The following FNIP2 variants were observed in gnomAD, a reference collection of about 807,000 sequenced individuals.
FNIP2 encodes the protein folliculin interacting protein 2, also known as folliculin-interacting protein 2.
FNIP2 carries 32 observed loss-of-function variants against 108.7 expected under a neutral mutation model. The ratio of observed to expected loss-of-function variants is 0.29; its 90% CI spans 0.22 to 0.40. The LOEUF is 0.40. Among genes scored for constraint, FNIP2 ranks in the 10% least tolerant of loss-of-function variants. The pLI is 1.00. For missense variants in FNIP2, 1,202 were observed against 1,381.6 expected (o/e 0.87, Z 2.06); for synonymous variants, 480 against 496.7 (o/e 0.97, Z 0.45).
intron 14 of FNIP2, among the ~76,000 whole-genome samples, chr4:158,870,801 T>C (rs1780901890): frequency 6.6e-6 from 1 of 152,226 alleles, no homozygotes; most frequent in African/African-American, 2.4e-5. Context: ...TCTGGTCTCT[T>C]TCTGGTGCCT....
rs557371471 is a variant in FNIP2 at position 158,895,771 on chromosome 4, A to G, written c.3172A>G (p.Arg1058Gly). The change falls in exon 16 of 17, where the codon AGA becomes GGA. Residue 1058 changes from arginine (R) to glycine (G), a missense_variant. Arg to Gly is a moderately radical substitution (Grantham distance 125). Transcript: ENST00000264433. Reference protein sequence around the residue: ...ADFCIMHLEDRLQEMYLKSKM... With the variant: ...ADFCIMHLEDGLQEMYLKSKM... ...GCAGTGCATCATGCATCTTGAAGAT[A>G]GACTACAGGAGATGTACCTTAAAAG... 1 of 1,611,882 alleles carries G rather than the reference A, an allele frequency of 6.2e-7. No individual in the cohort carries two copies. Among genetic ancestry groups the G allele is most frequent in the African/African-American group, 1.3e-5 (1 of 75,016 alleles).
intron 14 of FNIP2, among the ~76,000 whole-genome samples, chr4:158,883,581 T>A (rs1364746908): frequency 6.6e-6 from 1 of 152,232 alleles, no homozygotes; most frequent in African/African-American, 2.4e-5. Flanking sequence ...GGCTTATCCC[T>A]GATAGTTAAA....
chr4:158,774,209 G>C (rs565737590), intron 1 of FNIP2, among the ~76,000 whole-genome samples: 11 of 152,164 alleles, frequency 7.2e-5, no homozygotes, highest in Non-Finnish European at 1.5e-4. Context: ...TGCATGTGCA[G>C]AATAGGCCAG....
chr4:158,785,081 G>A (rs1482523730), intron 1 of FNIP2, among the ~76,000 whole-genome samples: 1 of 117,336 alleles, frequency 8.5e-6, no homozygotes, highest in African/African-American at 3.8e-5. Flanking sequence ...AGTATATAAA[G>A]TTCCTCTTTT....
chr4:158,897,313 T>C (rs1579002814), intron 16 of FNIP2, among the ~76,000 whole-genome samples: 1 of 152,238 alleles, frequency 6.6e-6, no homozygotes, highest in Non-Finnish European at 1.5e-5. Flanking sequence ...CATGTGCGTG[T>C]GTCTTTATAG....
chr4:158,792,354 T>C (rs1776447936), intron 1 of FNIP2, among the ~76,000 whole-genome samples: 3 of 152,086 alleles, frequency 2.0e-5, no homozygotes, highest in Admixed American at 2.0e-4. Context: ...AAGTGTCCTT[T>C]TCACAGTGAA....
At chr4:158,897,368 G>A (rs1278870251) in intron 16 of FNIP2, among the ~76,000 whole-genome samples, 2 of 152,150 alleles carry the variant, frequency 1.3e-5, no homozygotes, top group Non-Finnish European at 2.9e-5. Context: ...GTAATGGGAT[G>A]GCTGGGTCAG....
At position 158,863,016 on chromosome 4, in the gene FNIP2, G is replaced by A. The variant is rs187657574; in HGVS notation, c.1465+1240G>A. ...AATTCCCTATGTTCAGCATAATAAC[G>A]AAGAGTTTTTTCCTGTGGGTTCACA... On this transcript the variant is annotated intron_variant, in intron 12 of 16. Coordinates refer to ENST00000264433, the MANE Select transcript of FNIP2 (RefSeq NM_020840.3). 1.2e-4 allele frequency among the ~76,000 whole-genome samples: 19 copies of A among 152,310 alleles called. No homozygotes were observed. The East Asian group carries it at 3.7e-3, about 29-fold the overall frequency.
intron 8 of FNIP2, among the ~76,000 whole-genome samples, chr4:158,857,108 A>G (rs775528054): frequency 2.0e-5 from 3 of 152,198 alleles, no homozygotes; most frequent in Non-Finnish European, 2.9e-5. Flanking sequence ...GCTATTGTTT[A>G]TAGGGTGGAG....
intron 1 of FNIP2, among the ~76,000 whole-genome samples, chr4:158,805,601 A>G (rs1776919962): frequency 6.6e-6 from 1 of 152,214 alleles, no homozygotes; most frequent in Admixed American, 6.5e-5. Flanking sequence ...CTATACATTA[A>G]GTCCTACATT....
At chr4:158,871,614 G>C (rs555061875) in intron 14 of FNIP2, 1 of 985,306 alleles carries the variant, frequency 1.0e-6, no homozygotes, top group South Asian at 4.7e-5. Flanking sequence ...TCAGAAGCTG[G>C]GGAAAGCCAG....
intron 2 of FNIP2, among the ~76,000 whole-genome samples, chr4:158,826,590 A>G (rs1310749013): frequency 6.6e-6 from 1 of 151,692 alleles, no homozygotes; most frequent in South Asian, 2.1e-4. Flanking sequence ...TTTATTTCCC[A>G]TTTTTTTTGT....
At chr4:158,816,162 C>A (rs1354806676) in intron 1 of FNIP2, among the ~76,000 whole-genome samples, 1 of 151,994 alleles carries the variant, frequency 6.6e-6, no homozygotes, top group Non-Finnish European at 1.5e-5. Flanking sequence ...TATTTTGGTT[C>A]TTTCATCTTG....
chr4:158,772,757 C>T (rs1008544386), intron 1 of FNIP2, among the ~76,000 whole-genome samples: 2 of 152,262 alleles, frequency 1.3e-5, no homozygotes, highest in South Asian at 2.1e-4. Flanking sequence ...TGTGGCTTGG[C>T]GCTCTACCTG....
intron 16 of FNIP2, among the ~76,000 whole-genome samples, chr4:158,898,002 G>A (rs573640600): frequency 3.9e-5 from 6 of 152,266 alleles, no homozygotes; most frequent in African/African-American, 1.4e-4. Flanking sequence ...TCCATCTTGA[G>A]TTAATTTTTG....
chr4:158,850,214 A>G (rs1779621822), intron 7 of FNIP2, among the ~76,000 whole-genome samples: 1 of 152,224 alleles, frequency 6.6e-6, no homozygotes, highest in Admixed American at 6.5e-5. Flanking sequence ...TGTATTTACC[A>G]AAATCAATTT....
chr4:158,776,270 A>G (rs571813480), intron 1 of FNIP2, among the ~76,000 whole-genome samples: 14 of 152,318 alleles, frequency 9.2e-5, no homozygotes, highest in African/African-American at 2.9e-4. Flanking sequence ...GGATAGTTGC[A>G]TGTTGTCATA....
chr4:158,820,624 T>A (rs1008549149), intron 1 of FNIP2, among the ~76,000 whole-genome samples: 28 of 152,236 alleles, frequency 1.8e-4, no homozygotes, highest in Non-Finnish European at 1.5e-5. Flanking sequence ...AAATTTAAAG[T>A]CCTTCACAAG....
At chr4:158,798,818 G>T (rs1041874924) in intron 1 of FNIP2, among the ~76,000 whole-genome samples, 2 of 152,164 alleles carry the variant, frequency 1.3e-5, no homozygotes, top group Non-Finnish European at 2.9e-5. Context: ...ATAACTCTTA[G>T]TAATTCCAAA....
Sources: allele counts gnomAD v4.1 joint callset (sites outside exome capture counted in the v4.1 genomes callset), GRCh38; gene constraint gnomAD v4.1.1; transcripts MANE v1.5; gene names NCBI Gene and HGNC (gene_info 2026-07-23, HGNC 2026-07-21).